NAALADL2: variants seen among roughly 807,000 people sequenced by gnomAD.
NAALADL2 encodes inactive N-acetylated-alpha-linked acidic dipeptidase-like protein 2.
In NAALADL2, 76 loss-of-function variants were observed where a neutral mutation model predicts 87.2. The ratio of observed to expected loss-of-function variants is 0.87; its 90% CI spans 0.72 to 1.05. The LOEUF (loss-of-function observed/expected upper bound fraction) is 1.05, where lower values mean the gene tolerates loss of function less well. Ranked by LOEUF, NAALADL2 falls within the 50% of genes least tolerant of loss-of-function variation. NAALADL2 has a pLI of 0.00. For missense variants in NAALADL2, 1,089 were observed against 945.8 expected, an observed-to-expected ratio of 1.15 and a Z score of -1.99; for synonymous variants, 354 against 331.0, an observed-to-expected ratio of 1.07 and a Z score of -0.75.
intron 5 of NAALADL2, among the ~76,000 whole-genome samples, chr3:175,446,396 C>T (rs1720705549): frequency 1.3e-5 from 2 of 152,090 alleles, no homozygotes; most frequent in Admixed American, 6.5e-5. Context: ...CGTGCACCAC[C>T]ATACCCAGCT....
intron 2 of NAALADL2, among the ~76,000 whole-genome samples, chr3:174,617,100 G>A (rs560485589): frequency 6.6e-6 from 1 of 151,804 alleles, no homozygotes; most frequent in Non-Finnish European, 1.5e-5. Flanking sequence ...GGACTACAAA[G>A]ATCAATGAAA....
intron 1 of NAALADL2, among the ~76,000 whole-genome samples, chr3:175,050,464 G>A (rs981895018): frequency 6.6e-6 from 1 of 152,072 alleles, no homozygotes; most frequent in African/African-American, 2.4e-5. Context: ...GTTTTGCCAT[G>A]TTTAAAAATG....
At chr3:175,138,890 AT>A (rs1729554400) in intron 2 of NAALADL2, among the ~76,000 whole-genome samples, 1 of 49,536 alleles carries the variant, frequency 2.0e-5, no homozygotes, top group Non-Finnish European at 4.9e-5. Context: ...CTTTTAAAAT[AT>A]ATATATATAT....
chr3:175,282,565 T>C (rs1449642188), intron 4 of NAALADL2, among the ~76,000 whole-genome samples: 1 of 152,016 alleles, frequency 6.6e-6, no homozygotes, highest in Admixed American at 6.6e-5. Context: ...TTCTTCAAAT[T>C]CTCACCTATC....
chr3:175,807,816 C>T lies in NAALADL2; in HGVS notation c.*4613C>T, dbSNP rs1268755090. 2 of 151,822 alleles carry T rather than the reference C, an allele frequency of 1.3e-5. No individual in the cohort carries two copies. Among genetic ancestry groups the T allele is most frequent in the Admixed American group, 6.6e-5 (1 of 15,188 alleles). 9.4% of individuals were successfully genotyped at this position (151,822 alleles called of 1,614,324 possible). ...AAAAGCCTCATTAGAATTTGCTATT[C>T]GAAAAGACCTTAAAAACCCTCACAG... On this transcript the variant is annotated 3_prime_UTR_variant, in exon 14 of 14. Transcript: ENST00000454872.
intron 11 of NAALADL2, among the ~76,000 whole-genome samples, chr3:175,674,262 TTGTTTTG>T (rs1377528614): frequency 1.0e-4 from 15 of 146,084 alleles, no homozygotes; most frequent in African/African-American, 3.9e-4. Flanking sequence ...TTTTTTTTGT[TTGTTTTG>T]TTTTTTTTGA....
chr3:175,464,707 A>G (rs971775187), intron 7 of NAALADL2, among the ~76,000 whole-genome samples: 12 of 152,230 alleles, frequency 7.9e-5, no homozygotes, highest in African/African-American at 2.2e-4. Context: ...ACAGCCTCCC[A>G]GTTTCTTGCT....
chr3:174,500,990 G>A (rs1386913605), intron 1 of NAALADL2, among the ~76,000 whole-genome samples: 1 of 151,358 alleles, frequency 6.6e-6, no homozygotes, highest in Non-Finnish European at 1.5e-5. Flanking sequence ...CCGAGTAGCT[G>A]GGATTATAGG....
chr3:175,129,798 C>T (rs1727531300), intron 2 of NAALADL2, among the ~76,000 whole-genome samples: 1 of 152,140 alleles, frequency 6.6e-6, no homozygotes, highest in Admixed American at 6.5e-5. Context: ...ACAGATATCA[C>T]TTTGAGATAC....
At chr3:175,463,342 G>T (rs1380514192) in intron 6 of NAALADL2, 59 bp from the exon 7 acceptor site, 1 of 1,098,246 alleles carries the variant, frequency 9.1e-7, no homozygotes. Flanking sequence ...AAATTTTAAG[G>T]TTTAAAAAAT....
intron 7 of NAALADL2, among the ~76,000 whole-genome samples, chr3:175,465,424 T>C (rs1282684644): frequency 2.0e-5 from 3 of 151,890 alleles, no homozygotes; most frequent in African/African-American, 7.3e-5. Context: ...TTCTTGGGTT[T>C]TTAACATTTG....
At chr3:175,594,991 C>T (rs1368162086) in intron 10 of NAALADL2, among the ~76,000 whole-genome samples, 1 of 152,026 alleles carries the variant, frequency 6.6e-6, no homozygotes, top group East Asian at 1.9e-4. Context: ...TGTGCAGAAG[C>T]TCTTTAGTTT....
At chr3:175,728,875 G>C (rs1743289773) in intron 11 of NAALADL2, among the ~76,000 whole-genome samples, 1 of 152,208 alleles carries the variant, frequency 6.6e-6, no homozygotes, top group East Asian at 1.9e-4. Context: ...TGAGAATTCT[G>C]TTTCAGTCAC....
chr3:174,963,728 T>C (rs930517482), intron 1 of NAALADL2, among the ~76,000 whole-genome samples: 3 of 152,162 alleles, frequency 2.0e-5, no homozygotes, highest in Non-Finnish European at 4.4e-5. Flanking sequence ...CTCAACAAAA[T>C]GTTAGACAAC....
intron 2 of NAALADL2, among the ~76,000 whole-genome samples, chr3:174,558,349 C>CGG (rs199570927): frequency 2.0e-5 from 3 of 151,782 alleles, no homozygotes; most frequent in African/African-American, 7.3e-5. Context: ...AGACTGGGTA[C>CGG]GGGGGGGATG....
chr3:174,820,838 T>TA (rs935804703), intron 3 of NAALADL2, among the ~76,000 whole-genome samples: 32 of 151,548 alleles, frequency 2.1e-4, no homozygotes, highest in Middle Eastern at 3.4e-3. Context: ...TATGTTTTTT[T>TA]AAAAAAAAAC....
Position 175,336,311 on chromosome 3 carries a change from C to A in NAALADL2, c.1090+11986C>A, listed in dbSNP as rs892339261. Among the ~76,000 whole-genome samples the A allele has an allele frequency of 9.9e-5, 15 of 152,276 alleles. No individual in the cohort carries two copies. In the East Asian group the frequency reaches 1.7e-3, roughly 18 times the overall value. On this transcript the variant is annotated intron_variant, in intron 5 of 13. Transcript: ENST00000454872. The stretch of plus-strand genomic sequence containing the variant: ...ATGTGTTTTCAAGTCTCTAAAAGCA[C>A]TACAGTCTGTAAAATCTCCCAAATG...
At chr3:175,371,153 C>CT (rs200544257) in intron 5 of NAALADL2, among the ~76,000 whole-genome samples, 7 of 151,362 alleles carry the variant, frequency 4.6e-5, no homozygotes, top group East Asian at 1.9e-4. Context: ...CAGTAATTCA[C>CT]TTTTTTTTTA....
chr3:175,774,427 A>C (rs1749938703), intron 13 of NAALADL2, among the ~76,000 whole-genome samples: 1 of 152,058 alleles, frequency 6.6e-6, no homozygotes, highest in Admixed American at 6.6e-5. Context: ...GTTAAACAAA[A>C]ATTTTTTAAA....
Sources: gnomAD v4.1 joint callset for allele counts (sites outside exome capture counted in the v4.1 genomes callset) on GRCh38, gnomAD v4.1.1 for gene constraint, MANE v1.5 for transcripts, NCBI Gene and HGNC (gene_info 2026-07-23, HGNC 2026-07-21) for gene names.